Variants in BAALC observed in about 807,000 individuals in gnomAD.
The protein encoded by BAALC is BAALC binder of MAP3K1 and KLF4, also known as brain and acute leukemia cytoplasmic protein.
In BAALC, 9 loss-of-function variants were observed where a neutral mutation model predicts 15.5. The ratio of observed to expected loss-of-function variants is 0.58; its 90% CI spans 0.35 to 1.02. The LOEUF (loss-of-function observed/expected upper bound fraction) is 1.02, where lower values mean the gene tolerates loss of function less well. Ranked by LOEUF, BAALC falls within the 50% of genes least tolerant of loss-of-function variation. The pLI is 0.02. For synonymous variants in BAALC, 80 were observed against 74.6 expected (o/e 1.07, Z -0.37); for missense variants, 201 against 192.4 (o/e 1.04, Z -0.27).
At chr8:103,217,724 C>T (rs1332033447) in intron 2 of BAALC, among the ~76,000 whole-genome samples, 2 of 152,198 alleles carry the variant, frequency 1.3e-5, no homozygotes, top group Admixed American at 6.5e-5. Context: ...TGCAGTGCTG[C>T]CATTCAGATT....
rs1337329928 is a variant in BAALC, at chr8:103,140,878, C to T, written c.-20C>T. Reference sequence around the variant, plus strand: ...AGCCGACAGCCGAGCAGCCGCTGGGCGCTCCCGCGGCGCAGGAGGATGGGC... The same window carrying T: ...AGCCGACAGCCGAGCAGCCGCTGGGTGCTCCCGCGGCGCAGGAGGATGGGC... On this transcript the variant is annotated 5_prime_UTR_variant, in exon 1 of 3. Coordinates refer to ENST00000309982, the MANE Select transcript of BAALC (RefSeq NM_024812.3). The surrounding 1 kb of genome is among the most constrained non-coding windows in gnomAD (Gnocchi z 4.2). 5.4e-6 allele frequency: 8 copies of T among 1,485,192 alleles called. No homozygotes were observed. Among genetic ancestry groups the T allele is most frequent in the Middle Eastern group, 4.0e-4 (2 of 4,964 alleles). 92.0% of individuals were successfully genotyped at this position (1,485,192 alleles called of 1,614,324 possible).
At chr8:103,198,851 C>G (rs763543190) in intron 1 of BAALC, among the ~76,000 whole-genome samples, 7 of 152,152 alleles carry the variant, frequency 4.6e-5, no homozygotes, top group Non-Finnish European at 1.0e-4. Context: ...ACGGAGCTTG[C>G]AGTGAGCCGA....
At chr8:103,186,851 A>G (rs1255230010) in intron 1 of BAALC, among the ~76,000 whole-genome samples, 1 of 152,136 alleles carries the variant, frequency 6.6e-6, no homozygotes, top group Non-Finnish European at 1.5e-5. Flanking sequence ...AGGTTATGCA[A>G]TTTTCCAAGT....
In BAALC at chr8:103,170,796, G is replaced by A. The variant is rs117355360; in HGVS notation, c.160+29739G>A. On this transcript the variant is annotated intron_variant, in intron 1 of 2. Transcript: ENST00000309982. ...TAGGTATTAAGTTACGTGATTTAGT[G>A]TTCTTAGAAATGGGGGCCCTTTGAG... Among the ~76,000 whole-genome samples the A allele has an allele frequency of 4.8e-3, 726 of 152,276 alleles. 2 individuals are homozygous for A. Among genetic ancestry groups the A allele is most frequent in the South Asian group, 0.011 (55 of 4,826 alleles).
chr8:103,212,173 G>A lies in BAALC; in HGVS notation c.161-746G>A, dbSNP rs550777834. On this transcript the variant is annotated intron_variant, in intron 1 of 2. Transcript: ENST00000309982. ...AAAAATCTCTGTATTGGCCAAGCAT[G>A]TTATCTCATGCCTGTAATCTCAGCA... Among the ~76,000 whole-genome samples the A allele has an allele frequency of 5.9e-5, 9 of 152,314 alleles. No homozygotes were observed. In the South Asian group the frequency reaches 1.0e-3, roughly 18 times the overall value.
At chr8:103,191,433 A>G (rs536153242) in intron 1 of BAALC, 1 of 152,230 alleles carries the variant, frequency 6.6e-6, no homozygotes, top group East Asian at 1.9e-4. Context: ...TTCCACAGGG[A>G]TTCTTGTATA....
chr8:103,168,175 G>A (rs1312920172), intron 1 of BAALC, among the ~76,000 whole-genome samples: 1 of 152,172 alleles, frequency 6.6e-6, no homozygotes, highest in Non-Finnish European at 1.5e-5. Context: ...AATCAACCCT[G>A]TTATGCATCC....
At chr8:103,205,091 C>T (rs1812299047) in intron 1 of BAALC, among the ~76,000 whole-genome samples, 1 of 152,144 alleles carries the variant, frequency 6.6e-6, no homozygotes, top group Non-Finnish European at 1.5e-5. Flanking sequence ...GAATGACTTG[C>T]AGGTTGTTTC....
intron 1 of BAALC, among the ~76,000 whole-genome samples, chr8:103,198,916 A>G (rs1812153458): frequency 6.6e-6 from 1 of 152,148 alleles, no homozygotes; most frequent in Admixed American, 6.6e-5. Flanking sequence ...GAAAGCTGTC[A>G]TTTGCACATA....
intron 1 of BAALC, chr8:103,166,358 C>G (rs1039223434): frequency 5.2e-5 from 8 of 152,556 alleles, no homozygotes; most frequent in Non-Finnish European, 7.4e-5. Context: ...AAATTTCCAT[C>G]ATTGAAAAAG....
At chr8:103,190,551 A>T (rs1254019746) in intron 1 of BAALC, among the ~76,000 whole-genome samples, 1 of 152,208 alleles carries the variant, frequency 6.6e-6, no homozygotes, top group Non-Finnish European at 1.5e-5. Context: ...TAGGGGTATT[A>T]TAAAGTGTTG....
intron 1 of BAALC, among the ~76,000 whole-genome samples, chr8:103,203,934 C>G (rs1812275280): frequency 6.6e-6 from 1 of 152,166 alleles, no homozygotes; most frequent in South Asian, 2.1e-4. Context: ...TTTCGTTTCT[C>G]TTGGGTGTAT....
chr8:103,143,700 C>T (rs1256452373), intron 1 of BAALC, among the ~76,000 whole-genome samples: 1 of 152,188 alleles, frequency 6.6e-6, no homozygotes, highest in Non-Finnish European at 1.5e-5. Flanking sequence ...CACCTTTTCT[C>T]CTGGCTACTT....
intron 1 of BAALC, among the ~76,000 whole-genome samples, chr8:103,173,164 G>A (rs943611685): frequency 1.3e-5 from 2 of 152,056 alleles, no homozygotes; most frequent in African/African-American, 4.8e-5. Flanking sequence ...TAATGGTGAC[G>A]CCAGCTTTAG....
intron 2 of BAALC, among the ~76,000 whole-genome samples, chr8:103,221,000 A>G (rs62525464): frequency 0.12 from 17,813 of 152,168 alleles, 1,307 homozygotes; most frequent in African/African-American, 0.2. Context: ...CTCTATTTCC[A>G]TTTGGGGGGA....
At chr8:103,195,999 C>G (rs1191828307) in intron 1 of BAALC, among the ~76,000 whole-genome samples, 1 of 152,060 alleles carries the variant, frequency 6.6e-6, no homozygotes, top group Non-Finnish European at 1.5e-5. Flanking sequence ...GCCCCTTTCC[C>G]AAAAATTCAT....
intron 1 of BAALC, among the ~76,000 whole-genome samples, chr8:103,182,007 A>G (rs1023860838): frequency 2.0e-5 from 3 of 152,206 alleles, no homozygotes; most frequent in African/African-American, 7.2e-5. Flanking sequence ...ATCCCTCTCC[A>G]TGAGGATTTT....
intron 1 of BAALC, among the ~76,000 whole-genome samples, chr8:103,176,092 A>C (rs1312811874): frequency 6.6e-6 from 1 of 152,216 alleles, no homozygotes; most frequent in Non-Finnish European, 1.5e-5. Context: ...AAGGAAAAAA[A>C]TATGTGTAAG....
At chr8:103,192,543 C>G (rs1375198226) in intron 1 of BAALC, among the ~76,000 whole-genome samples, 2 of 152,056 alleles carry the variant, frequency 1.3e-5, no homozygotes, top group African/African-American at 2.4e-5. Flanking sequence ...TAGTCAGTTG[C>G]ATTTATCAGG....
Sources: gnomAD v4.1 joint callset for allele counts (sites outside exome capture counted in the v4.1 genomes callset) on GRCh38, gnomAD v4.1.1 for gene constraint, Gnocchi (gnomAD v3.1) non-coding constraint, MANE v1.5 for transcripts, NCBI Gene and HGNC (gene_info 2026-07-23, HGNC 2026-07-21) for gene names.